Variants in PADI6 observed in about 807,000 individuals in gnomAD.
PADI6 encodes inactive protein-arginine deiminase type-6.
A neutral mutation model predicts 78.2 loss-of-function variants in PADI6; 66 were observed. The ratio of observed to expected loss-of-function variants is 0.84; its 90% CI spans 0.69 to 1.04. The LOEUF (loss-of-function observed/expected upper bound fraction) is 1.04, where lower values mean the gene tolerates loss of function less well. Among genes scored for constraint, PADI6 ranks in the 50% least tolerant of loss-of-function variants. The probability of loss-of-function intolerance (pLI) is 0.00; values close to 1 mark genes in which losing one functional copy is unlikely to be tolerated. For synonymous variants in PADI6, 397 were observed against 346.9 expected, an observed-to-expected ratio of 1.14 and a Z score of -1.60; for missense variants, 854 against 866.1, an observed-to-expected ratio of 0.99 and a Z score of 0.18.
chr1:17,379,271 G>A lies in PADI6; in HGVS notation c.368-649G>A, dbSNP rs148712873. On this transcript the variant is annotated intron_variant, in intron 3 of 15. Transcript: ENST00000619609. ...TGGGACTACAGGCGCCCGCCACCTC[G>A]CCCGGCTAATTTTTTTGTATTTTTA... 8.5e-3 allele frequency among the ~76,000 whole-genome samples: 1,266 copies of A among 149,124 alleles called. 79 individuals carry two copies. Among genetic ancestry groups the A allele is most frequent in the African/African-American group, 0.03 (1,163 of 38,872 alleles).
intron 3 of PADI6, among the ~76,000 whole-genome samples, chr1:17,376,340 C>A (rs752955844): frequency 4.9e-4 from 74 of 151,714 alleles, no homozygotes; most frequent in Non-Finnish European, 1.5e-4. Context: ...TGCTCTGTTG[C>A]CCAGGCTGGA....
In PADI6 at chr1:17,388,579, G is replaced by A. The variant is rs752184051; in HGVS notation, c.858+20G>A. The A allele has an allele frequency of 1.3e-6, 2 of 1,588,596 alleles. No individual in the cohort carries two copies. Among genetic ancestry groups the A allele is most frequent in the Non-Finnish European group, 1.7e-6 (2 of 1,160,114 alleles). ...GACCCGGTATGTCCCCATAATAGAT[G>A]GGTCCTCAGACTAGGATGCTCCGGT... On this transcript the variant is annotated intron_variant, in intron 7 of 15. Coordinates refer to ENST00000619609, the MANE Select transcript of PADI6 (RefSeq NM_207421.4).
Position 17,398,820 on chromosome 1 carries a change from C to G in PADI6, c.1824C>G (p.Ser608=), listed in dbSNP as rs2075273350. 2.5e-6 allele frequency: 4 copies of G among 1,613,370 alleles called. 1 individual carries two copies. The highest frequency in any genetic ancestry group is 3.3e-5 in the Admixed American group (2 of 59,964). The part of the protein sequence containing the change: ...NIPSDQQPKR[S]FARPYFPDLL... ...CCTCTGACCAGCAGCCCAAGAGGTC[C>G]TTTGCGAGGCCATACTTCCCTGACC... Residue 608 remains serine (S), a synonymous_variant, in exon 15 of 16, where the codon TCC becomes TCG. Transcript: ENST00000619609.
chr1:17,401,594 G>A lies in PADI6; in HGVS notation c.*156G>A. Reference sequence around the variant, plus strand: ...CCCGACCGACCCTCGGACCCAGTAGGATGGCAAATGCCGCCAGCTTGAACC... The same window carrying A: ...CCCGACCGACCCTCGGACCCAGTAGAATGGCAAATGCCGCCAGCTTGAACC... On this transcript the variant is annotated 3_prime_UTR_variant, in exon 16 of 16. Coordinates refer to ENST00000619609, the MANE Select transcript of PADI6 (RefSeq NM_207421.4). The A allele has an allele frequency of 1.5e-6, 1 of 681,510 alleles. No homozygotes were observed. The highest frequency in any genetic ancestry group is 2.4e-6 in the Non-Finnish European group (1 of 410,600). The allele number at this position is 681,510 out of a possible 1,614,324, so 42.2% of individuals were successfully genotyped here.
chr1:17,373,110 G>A lies in PADI6; in HGVS notation c.171G>A (p.Leu57=), dbSNP rs530265025. The change falls in exon 2 of 16, where the codon TTG becomes TTA. Residue 57 remains leucine, a synonymous_variant. Coordinates refer to ENST00000619609, the MANE Select transcript of PADI6 (RefSeq NM_207421.4). ...CFTIHGSGRV[L]IDVANTVISE... ...CCATCCATGGCTCTGGGAGGGTCTT[G>A]ATCGATGTGGCCAACACGGTGATTT... 2 of 1,614,002 alleles carry A rather than the reference G, an allele frequency of 1.2e-6. No individual in the cohort carries two copies. Among genetic ancestry groups the A allele is most frequent in the Non-Finnish European group, 1.7e-6 (2 of 1,179,870 alleles).
At chr1:17,399,402 C>A (rs1473376937) in intron 15 of PADI6, among the ~76,000 whole-genome samples, 1 of 151,994 alleles carries the variant, frequency 6.6e-6, no homozygotes, top group Non-Finnish European at 1.5e-5. Context: ...AGTTTGAGAC[C>A]AGCCTGACCA....
At position 17,373,522 on chromosome 1, in the gene PADI6, A is replaced by G. The variant is rs1255442166; in HGVS notation, c.294+289A>G. Among the ~76,000 whole-genome samples, 72 of 142,598 alleles carry G rather than the reference A, an allele frequency of 5.0e-4. 1 individual carries two copies. The highest frequency in any genetic ancestry group is 1.9e-3 in the African/African-American group (70 of 37,424). 93.5% of individuals were successfully genotyped at this position (142,598 alleles called of 152,430 possible). On this transcript the variant is annotated intron_variant, in intron 2 of 15. Transcript: ENST00000619609. ...ATTATTATTTTTTTTTTTGAGTCTC[A>G]CGCTCATTGCCCAGACTGGGGTGCA...
chr1:17,381,320 TAGATGTATAATTGGGTA>T, intron 5 of PADI6, among the ~76,000 whole-genome samples, 156 bp downstream of exon 5: 1 of 152,156 alleles, frequency 6.6e-6, no homozygotes, highest in Non-Finnish European at 1.5e-5. Flanking sequence ...TCCTGAGTTG[TAGATGTATAATTGGGTA>T]AGAGAAGTCA....
At position 17,397,061 on chromosome 1, in the gene PADI6, C is replaced by T. The variant is rs1288911865; in HGVS notation, c.1619-10C>T. 1 of 1,613,490 alleles carries T rather than the reference C, an allele frequency of 6.2e-7. No individual in the cohort carries two copies. The highest frequency in any genetic ancestry group is 8.5e-7 in the Non-Finnish European group (1 of 1,179,762). On this transcript the variant is annotated splice_polypyrimidine_tract_variant and intron_variant, in intron 13 of 15. Transcript: ENST00000619609. Reference sequence around the variant, plus strand: ...TGACCAGCAGGCCTGCTGCCCGCTTCTTCCTACAGGAAGGGAAGCCAAAAC... The same window carrying T: ...TGACCAGCAGGCCTGCTGCCCGCTTTTTCCTACAGGAAGGGAAGCCAAAAC...
intron 6 of PADI6, among the ~76,000 whole-genome samples, 170 bp downstream of exon 6, chr1:17,382,262 C>T (rs1021061301): frequency 6.6e-6 from 1 of 152,226 alleles, no homozygotes; most frequent in African/African-American, 2.4e-5. Context: ...CTGGCTGCCA[C>T]CTTCCCCATA....
intron 1 of PADI6, 48 bp from the exon 2 acceptor site, chr1:17,373,008 T>G: frequency 5.4e-5 from 85 of 1,561,822 alleles, no homozygotes; most frequent in Non-Finnish European, 6.7e-5. Flanking sequence ...TCTCCTAGGC[T>G]GAGAAGGTGT....
chr1:17,390,280 A>C (rs908269323), intron 8 of PADI6, among the ~76,000 whole-genome samples: 2 of 151,392 alleles, frequency 1.3e-5, no homozygotes, highest in African/African-American at 4.9e-5. Flanking sequence ...CAGCCTGGGA[A>C]ACAAGAGCGA....
At chr1:17,383,346 C>G (rs957439082) in intron 6 of PADI6, among the ~76,000 whole-genome samples, 1 of 152,188 alleles carries the variant, frequency 6.6e-6, no homozygotes, top group African/African-American at 2.4e-5. Context: ...ACGTGGCCAT[C>G]TTACACATGA....
rs190031908 is a variant in PADI6 at position 17,389,660 on chromosome 1, C to A, written c.962+780C>A. Among the ~76,000 whole-genome samples the A allele has an allele frequency of 3.3e-5, 5 of 152,302 alleles. 1 individual carries two copies. Among genetic ancestry groups the A allele is most frequent in the Admixed American group, 1.3e-4 (2 of 15,304 alleles). ...AGTCTCTAGCTATGTAGCCACATGCCTAGGGAGAAAAGGAGATAGGATCCT... is the reference window on the plus strand; with the variant it reads ...AGTCTCTAGCTATGTAGCCACATGCATAGGGAGAAAAGGAGATAGGATCCT... On this transcript the variant is annotated intron_variant, in intron 8 of 15. Coordinates refer to ENST00000619609, the MANE Select transcript of PADI6 (RefSeq NM_207421.4).
At chr1:17,397,177 G>C in intron 14 of PADI6, 36 bp downstream of exon 14, 1 of 1,610,026 alleles carries the variant, frequency 6.2e-7, no homozygotes, top group Non-Finnish European at 8.5e-7. Flanking sequence ...CCCCAAGAAA[G>C]AGCTGGTGCC....
chr1:17,399,412 A>G (rs1422385025), intron 15 of PADI6, among the ~76,000 whole-genome samples: 1 of 152,160 alleles, frequency 6.6e-6, no homozygotes, highest in Non-Finnish European at 1.5e-5. Flanking sequence ...CAGCCTGACC[A>G]ACATGAAGAA....
At chr1:17,391,877 C>T (rs2075187969) in intron 8 of PADI6, among the ~76,000 whole-genome samples, 1 of 152,232 alleles carries the variant, frequency 6.6e-6, no homozygotes, top group African/African-American at 2.4e-5. Flanking sequence ...AAGGGGCCGC[C>T]ACTGGCACTT....
Position 17,393,902 on chromosome 1 carries a change from C to A in PADI6, c.1075-73C>A, listed in dbSNP as rs977566974. ...TTGGCAGGAAGGAAGGGGGTTCTTACCGTACCTTTTCCGTAAATGGGGTCC... is the reference window on the plus strand; with the variant it reads ...TTGGCAGGAAGGAAGGGGGTTCTTAACGTACCTTTTCCGTAAATGGGGTCC... On this transcript the variant is annotated intron_variant, in intron 9 of 15. Transcript: ENST00000619609. The A allele has an allele frequency of 2.9e-6, 4 of 1,372,870 alleles. No individual in the cohort carries two copies. The East Asian group carries it at 6.9e-5, about 24-fold the overall frequency. The allele number at this position is 1,372,870 out of a possible 1,614,324, so 85.0% of individuals were successfully genotyped here.
At position 17,398,649 on chromosome 1, in the gene PADI6, C is replaced by CA; in HGVS notation, c.1690-37_1690-36insA. 8 of 91,306 alleles carry CA rather than the reference C, an allele frequency of 8.8e-5. No individual in the cohort carries two copies. In the South Asian group the frequency reaches 1.1e-3, roughly 13 times the overall value. 5.7% of individuals were successfully genotyped at this position (91,306 alleles called of 1,614,324 possible). A position where few individuals can be genotyped will look rare whatever the true frequency, so the allele number is the denominator to read the frequency against. On this transcript the variant is annotated intron_variant, in intron 14 of 15. Transcript: ENST00000619609. ...TAATTCCTGATGAGCTCTCCTTGCTCCCCCGCCCCCCCCCCCACCCACCCA... is the reference window on the plus strand; with the variant it reads ...TAATTCCTGATGAGCTCTCCTTGCTCACCCCGCCCCCCCCCCCACCCACCCA...
Sources: gnomAD v4.1 joint callset for allele counts (sites outside exome capture counted in the v4.1 genomes callset) on GRCh38, gnomAD v4.1.1 for gene constraint, MANE v1.5 for transcripts, NCBI Gene and HGNC (gene_info 2026-07-23, HGNC 2026-07-21) for gene names.